THADA: variants seen among roughly 807,000 people sequenced by gnomAD.
The protein encoded by THADA is THADA armadillo repeat containing.
In THADA, 213 loss-of-function variants were observed where a neutral mutation model predicts 219.8. That is an observed-to-expected ratio of 0.97 (90% CI 0.87 to 1.09). THADA has a LOEUF of 1.09. THADA is among the 50% of genes least tolerant of loss of function. THADA has a pLI of 0.00. For synonymous variants in THADA, 1,018 were observed against 828.9 expected, an observed-to-expected ratio of 1.23 and a Z score of -3.92; for missense variants, 2,956 against 2,311.3, an observed-to-expected ratio of 1.28 and a Z score of -5.72.
chr2:43,588,190 A>T (rs1469213914), intron 4 of THADA, among the ~76,000 whole-genome samples: 1 of 152,128 alleles, frequency 6.6e-6, no homozygotes, highest in Non-Finnish European at 1.5e-5. Context: ...GGACGATTCA[A>T]CAGTTTGGGT....
chr2:43,586,974 G>C lies in THADA; in HGVS notation c.331C>G (p.Leu111Val). Residue 111 changes from leucine to valine, a missense_variant, in exon 5 of 38, where the codon CTA (leucine) becomes GTA (valine). Coordinates refer to ENST00000405975, the MANE Select transcript of THADA (RefSeq NM_022065.5). ...GTAAAACGGTGCATAGCCTCAGGTA[G>C]AAAAAAATCAGGCAGGCTATTTAGT... ...SSLNSLPDFF[L>V]PEAMHRFTSR... The C allele has an allele frequency of 6.2e-7, 1 of 1,613,220 alleles. No individual in the cohort carries two copies. The highest frequency in any genetic ancestry group is 1.3e-5 in the African/African-American group (1 of 74,974).
At chr2:43,458,596 C>T (rs1467577316) in intron 26 of THADA, among the ~76,000 whole-genome samples, 2 of 152,052 alleles carry the variant, frequency 1.3e-5, no homozygotes, top group Non-Finnish European at 2.9e-5. Context: ...TTTTTCAACC[C>T]CTACTGTCAC....
At chr2:43,459,502 C>G (rs1683386737) in intron 26 of THADA, among the ~76,000 whole-genome samples, 2 of 152,164 alleles carry the variant, frequency 1.3e-5, no homozygotes, top group African/African-American at 4.8e-5. Context: ...AATACCCACC[C>G]TCCAAAGAGC....
intron 28 of THADA, among the ~76,000 whole-genome samples, chr2:43,399,722 T>C (rs990238394): frequency 6.6e-6 from 1 of 152,146 alleles, no homozygotes; most frequent in Non-Finnish European, 1.5e-5. Flanking sequence ...CCACAACTCA[T>C]CCTGGACAGT....
intron 29 of THADA, among the ~76,000 whole-genome samples, chr2:43,397,223 A>G (rs553153496): frequency 3.9e-5 from 6 of 152,240 alleles, no homozygotes; most frequent in African/African-American, 1.4e-4. Flanking sequence ...TCTCAAGGCC[A>G]TCTCTCAACT....
intron 14 of THADA, among the ~76,000 whole-genome samples, chr2:43,568,030 T>TG (rs556735216): frequency 6.7e-5 from 10 of 150,300 alleles, no homozygotes; most frequent in Admixed American, 1.3e-4. Context: ...CTACTGGGGG[T>TG]GGGGGGGAGA....
chr2:43,338,799 A>G (rs1212773826), intron 30 of THADA, among the ~76,000 whole-genome samples: 2 of 152,132 alleles, frequency 1.3e-5, no homozygotes, highest in African/African-American at 4.8e-5. Context: ...TGTTTTAGCT[A>G]TTGTGCATAA....
In THADA at chr2:43,551,847, C is replaced by T; in HGVS notation, c.2889G>A (p.Val963=). The stretch of plus-strand genomic sequence containing the variant: ...GGGATGAGCTCTGAATGACTGGAGA[C>T]ACCACAGTGGAAAGCCTGTAGGACA... ...LLMSYRLSTV[V]SPVIQSSSPE... is the part of the protein sequence containing the mutation. The change falls in exon 19 of 38, where the codon GTG becomes GTA. Residue 963 remains valine (V), a synonymous_variant. Transcript: ENST00000405975. 1 of 1,613,838 alleles carries T rather than the reference C, an allele frequency of 6.2e-7. No individual in the cohort carries two copies. The highest frequency in any genetic ancestry group is 8.5e-7 in the Non-Finnish European group (1 of 1,179,846).
At chr2:43,583,336 A>G (rs1368278914) in intron 7 of THADA, among the ~76,000 whole-genome samples, 1 of 152,154 alleles carries the variant, frequency 6.6e-6, no homozygotes, top group African/African-American at 2.4e-5. Context: ...ATACATCTAG[A>G]ATCAGACCAA....
Position 43,514,692 on chromosome 2 carries a change from AAT to A in THADA, c.3375-5914_3375-5913del, listed in dbSNP as rs1223360327. Among the ~76,000 whole-genome samples, 34 of 71,210 alleles carry A rather than the reference AAT, an allele frequency of 4.8e-4. 5 individuals carry two copies. The highest frequency in any genetic ancestry group is 8.5e-3 in the Middle Eastern group (1 of 118). 46.7% of individuals were successfully genotyped at this position (71,210 alleles called of 152,430 possible). A position where few individuals can be genotyped will look rare whatever the true frequency, so the allele number is the denominator to read the frequency against. On this transcript the variant is annotated intron_variant, in intron 22 of 37. Transcript: ENST00000405975. Reference sequence around the variant, plus strand: ...ATATATAATATATTATATTATATATAATATATATAATATATATATAAATATAT... The same window carrying A: ...ATATATAATATATTATATTATATATAATATATAATATATATATAAATATAT...
chr2:43,559,629 A>G (rs1383067974), intron 16 of THADA, among the ~76,000 whole-genome samples: 1 of 152,122 alleles, frequency 6.6e-6, no homozygotes, highest in African/African-American at 2.4e-5. Context: ...TCCCCACACA[A>G]TGTGTTCACT....
At chr2:43,589,485 T>C (rs971455549) in intron 4 of THADA, among the ~76,000 whole-genome samples, 1 of 152,212 alleles carries the variant, frequency 6.6e-6, no homozygotes, top group Non-Finnish European at 1.5e-5. Context: ...ACTTAATGTA[T>C]ACAGTTTCAG....
chr2:43,495,716 G>T (rs115169195), intron 25 of THADA, among the ~76,000 whole-genome samples: 1 of 152,052 alleles, frequency 6.6e-6, no homozygotes, highest in South Asian at 2.1e-4. Flanking sequence ...GTCCTTTCAC[G>T]GAAAATATTT....
At chr2:43,311,470 GTTAAAC>G (rs1677504700) in intron 31 of THADA, among the ~76,000 whole-genome samples, 1 of 152,208 alleles carries the variant, frequency 6.6e-6, no homozygotes, top group Admixed American at 6.5e-5. Context: ...TCTTCAAAAA[GTTAAAC>G]TTAGAGTTGG....
At chr2:43,424,276 G>C (rs1466581095) in intron 28 of THADA, among the ~76,000 whole-genome samples, 3 of 152,196 alleles carry the variant, frequency 2.0e-5, no homozygotes, top group African/African-American at 4.8e-5. Flanking sequence ...AAAAGCTCTT[G>C]TTGGCGCTTT....
At position 43,574,854 on chromosome 2, in the gene THADA, A is replaced by G; in HGVS notation, c.1211T>C (p.Leu404Ser). 11 of 1,614,030 alleles carry G rather than the reference A, an allele frequency of 6.8e-6. No homozygotes were observed. The highest frequency in any genetic ancestry group is 8.5e-6 in the Non-Finnish European group (10 of 1,179,904). Residue 404 changes from leucine to serine, a missense_variant, in exon 11 of 38, where the codon TTG becomes TCG. Transcript: ENST00000405975. The stretch of plus-strand genomic sequence containing the variant: ...TTTGGTTTGGTGTCTCAGAGCATCC[A>G]ATGGATGTTCCCAATGGGTATAGAC... ...EYVYTHWEHPLDALRHQTKIM... is the reference protein window; with the variant it reads ...EYVYTHWEHPSDALRHQTKIM...
intron 36 of THADA, among the ~76,000 whole-genome samples, chr2:43,269,682 A>G (rs1471897111): frequency 6.6e-6 from 1 of 152,216 alleles, no homozygotes; most frequent in Non-Finnish European, 1.5e-5. Context: ...TTTTGAAGGA[A>G]TAAATAAGAA....
At chr2:43,488,685 A>G (rs6751622) in intron 25 of THADA, among the ~76,000 whole-genome samples, 93,087 of 152,014 alleles carry the variant, frequency 0.61, 29,763 homozygotes, top group African/African-American at 0.77. Context: ...ATTTCTCATG[A>G]CTATATACCT....
At chr2:43,510,692 T>A (rs1022896268) in intron 22 of THADA, among the ~76,000 whole-genome samples, 1 of 146,578 alleles carries the variant, frequency 6.8e-6, no homozygotes, top group African/African-American at 2.5e-5. Flanking sequence ...TTGGGCCGGG[T>A]GAGCACAGTG....
Sources: allele counts gnomAD v4.1 joint callset (sites outside exome capture counted in the v4.1 genomes callset), GRCh38; gene constraint gnomAD v4.1.1; transcripts MANE v1.5; gene names NCBI Gene and HGNC (gene_info 2026-07-23, HGNC 2026-07-21).